The following HECW2 variants were observed in gnomAD, a reference collection of about 807,000 sequenced individuals.
HECW2 encodes E3 ubiquitin-protein ligase HECW2.
HECW2 carries 61 observed loss-of-function variants against 175.2 expected under a neutral mutation model. That is an observed-to-expected ratio of 0.35 (90% CI 0.28 to 0.43). HECW2 has a LOEUF of 0.43. Ranked by LOEUF, HECW2 falls within the 20% of genes least tolerant of loss-of-function variation. HECW2 has a pLI of 1.00. For missense variants in HECW2, 1,524 were observed against 2,000.5 expected (o/e 0.76, Z 4.54); for synonymous variants, 671 against 731.0 (o/e 0.92, Z 1.32).
rs56806806 is a variant in HECW2 at position 196,491,501 on chromosome 2, TACACAC to T, written c.-35-58049_-35-58044del. On this transcript the variant is annotated intron_variant, in intron 1 of 28. Transcript: ENST00000644978. ...ATATATATATACACATATATATATATACACACACACACACACACACACACATATACA... is the reference window on the plus strand; with the variant it reads ...ATATATATATACACATATATATATATACACACACACACACACACATATACA... 9.5e-3 allele frequency among the ~76,000 whole-genome samples: 1,191 copies of T among 125,958 alleles called. 19 individuals are homozygous for T. The highest frequency in any genetic ancestry group is 0.024 in the African/African-American group (839 of 35,500). 82.6% of individuals were successfully genotyped at this position (125,958 alleles called of 152,430 possible).
intron 2 of HECW2, among the ~76,000 whole-genome samples, chr2:196,380,771 T>C (rs1377829124): frequency 6.6e-6 from 1 of 152,196 alleles, no homozygotes; most frequent in Admixed American, 6.5e-5. Flanking sequence ...GTTGCAGAGC[T>C]TCTGGTTTTC....
intron 2 of HECW2, among the ~76,000 whole-genome samples, chr2:196,404,093 C>T (rs891317625): frequency 6.6e-6 from 1 of 152,072 alleles, no homozygotes; most frequent in African/African-American, 2.4e-5. Context: ...CAATTGAGTG[C>T]CAGAAAAAAG....
At chr2:196,365,026 G>T (rs1693707004) in intron 2 of HECW2, among the ~76,000 whole-genome samples, 1 of 152,218 alleles carries the variant, frequency 6.6e-6, no homozygotes, top group Admixed American at 6.5e-5. Flanking sequence ...ATTTCCATCA[G>T]ATCTCCCACT....
chr2:196,345,422 A>C (rs956793192), intron 2 of HECW2, among the ~76,000 whole-genome samples: 6 of 152,212 alleles, frequency 3.9e-5, no homozygotes, highest in Non-Finnish European at 7.3e-5. Context: ...GGTTCTGCCC[A>C]GTGAAATGTA....
chr2:196,587,909 C>A (rs905498817), intron 1 of HECW2, among the ~76,000 whole-genome samples: 2 of 152,202 alleles, frequency 1.3e-5, no homozygotes, highest in African/African-American at 4.8e-5. Context: ...TCCACCCCAT[C>A]ATGCTGATCT....
chr2:196,461,298 A>C (rs1329692177), intron 1 of HECW2, among the ~76,000 whole-genome samples: 2 of 152,178 alleles, frequency 1.3e-5, no homozygotes, highest in Non-Finnish European at 2.9e-5. Context: ...GAAAAACCAC[A>C]ATAAGATACT....
At chr2:196,220,585 C>G (rs1351695364) in intron 25 of HECW2, among the ~76,000 whole-genome samples, 2 of 152,162 alleles carry the variant, frequency 1.3e-5, no homozygotes, top group East Asian at 3.8e-4. Context: ...GAATGCAGTC[C>G]ATAACATTTA....
At chr2:196,539,983 G>C (rs1436876626) in intron 1 of HECW2, among the ~76,000 whole-genome samples, 1 of 152,152 alleles carries the variant, frequency 6.6e-6, no homozygotes, top group Non-Finnish European at 1.5e-5. Context: ...AAGCTATTCA[G>C]GACAGCGGAT....
At chr2:196,509,312 T>C (rs1048923697) in intron 1 of HECW2, among the ~76,000 whole-genome samples, 3 of 152,196 alleles carry the variant, frequency 2.0e-5, no homozygotes, top group African/African-American at 7.2e-5. Flanking sequence ...TAAGCCTCCA[T>C]GTGTTCAGCT....
intron 1 of HECW2, among the ~76,000 whole-genome samples, chr2:196,505,578 G>C (rs1177817965): frequency 2.0e-5 from 3 of 151,942 alleles, no homozygotes; most frequent in African/African-American, 7.2e-5. Flanking sequence ...AACTAGACTT[G>C]ATTACTAAAC....
intron 2 of HECW2, among the ~76,000 whole-genome samples, chr2:196,370,133 A>T (rs1418407226): frequency 6.6e-6 from 1 of 151,762 alleles, no homozygotes; most frequent in Admixed American, 6.6e-5. Context: ...GCTGGGTCAT[A>T]CCTGAAGCCA....
At chr2:196,533,690 G>C (rs185386632) in intron 1 of HECW2, among the ~76,000 whole-genome samples, 37 of 152,254 alleles carry the variant, frequency 2.4e-4, no homozygotes, top group African/African-American at 8.9e-4. Context: ...AAGAAGCTCT[G>C]TTACTGTCAC....
rs555114889 is a variant in HECW2, at chr2:196,375,232, C to G, written c.293-31468G>C. On this transcript the variant is annotated intron_variant, in intron 2 of 28. Transcript: ENST00000644978. Reference sequence around the variant, plus strand: ...TGTTGAGCTGTTGTATTCAAAACTTCAAGTATTCAGCAGATATCAACTTAA... The same window carrying G: ...TGTTGAGCTGTTGTATTCAAAACTTGAAGTATTCAGCAGATATCAACTTAA... Among the ~76,000 whole-genome samples the G allele has an allele frequency of 5.9e-5, 9 of 151,992 alleles. No individual in the cohort carries two copies. The East Asian group carries it at 1.5e-3, about 26-fold the overall frequency.
chr2:196,572,310 G>C (rs1316744280), intron 1 of HECW2, among the ~76,000 whole-genome samples: 1 of 152,082 alleles, frequency 6.6e-6, no homozygotes, highest in Non-Finnish European at 1.5e-5. Flanking sequence ...AGCCTCTCAA[G>C]TAGCTGGGAT....
chr2:196,489,271 G>T (rs1262517064), intron 1 of HECW2, among the ~76,000 whole-genome samples: 1 of 152,130 alleles, frequency 6.6e-6, no homozygotes, highest in African/African-American at 2.4e-5. Flanking sequence ...CTGTGAGGAG[G>T]TTTTTCAAGG....
intron 25 of HECW2, 146 bp downstream of exon 25, chr2:196,220,649 A>G: frequency 1.2e-6 from 1 of 838,646 alleles, no homozygotes; most frequent in Non-Finnish European, 1.9e-6. Context: ...CTCTTGAAAC[A>G]TAAGGGAAAA....
chr2:196,464,101 C>T (rs1183215854), intron 1 of HECW2, among the ~76,000 whole-genome samples: 1 of 151,566 alleles, frequency 6.6e-6, no homozygotes, highest in Non-Finnish European at 1.5e-5. Context: ...TTGCTACCCA[C>T]TTTTGCGGCC....
At chr2:196,575,279 T>C (rs1690523460) in intron 1 of HECW2, among the ~76,000 whole-genome samples, 1 of 151,990 alleles carries the variant, frequency 6.6e-6, no homozygotes. Flanking sequence ...TTGGCAAGAA[T>C]TTGGAGAAAA....
At chr2:196,478,012 AC>A (rs1199508386) in intron 1 of HECW2, among the ~76,000 whole-genome samples, 1 of 152,210 alleles carries the variant, frequency 6.6e-6, no homozygotes, top group Non-Finnish European at 1.5e-5. Flanking sequence ...AGATCATGCC[AC>A]TGCACTCCAG....
Sources: allele counts gnomAD v4.1 joint callset (sites outside exome capture counted in the v4.1 genomes callset), GRCh38; gene constraint gnomAD v4.1.1; transcripts MANE v1.5; gene names NCBI Gene and HGNC (gene_info 2026-07-23, HGNC 2026-07-21).